G6PD: variants seen among roughly 807,000 people sequenced by gnomAD.
The protein encoded by G6PD is glucose-6-phosphate dehydrogenase.
Under a neutral mutation model 38.2 loss-of-function variants are expected in G6PD, and 2 were observed. That is an observed-to-expected ratio of 0.05 (90% confidence interval 0.02 to 0.16). The LOEUF is 0.16. G6PD is among the 10% of genes least tolerant of loss of function. The pLI, the probability that G6PD is intolerant of heterozygous loss-of-function variation, is 1.00. For synonymous variants in G6PD, 188 were observed against 196.0 expected (o/e 0.96, Z 0.34); for missense variants, 310 against 471.6 (o/e 0.66, Z 3.17).
intron 2 of G6PD, chrX:154,542,353 T>C (rs1557232137): frequency 1.7e-6 from 2 of 1,204,841 alleles, no homozygotes; most frequent in Non-Finnish European, 2.2e-6. Flanking sequence ...CCTCACTCCC[T>C]GTGAAGCTCT....
rs1557232141 is a variant in G6PD, at chrX:154,542,356, G to A, written c.120+3680C>T. 3 of 1,204,465 alleles carry A rather than the reference G, an allele frequency of 2.5e-6. No homozygotes were observed. In the African/African-American group the frequency reaches 5.2e-5, roughly 21 times the overall value. ...CCAGTCTCTTCCCCTCACTCCCTGT[G>A]AAGCTCTCCAGCATCATCGAGGTCC... On this transcript the variant is annotated intron_variant, in intron 2 of 12. Transcript: ENST00000393562.
chrX:154,533,301 C>T (rs1160314992), intron 8 of G6PD, 173 bp from the exon 9 acceptor site: 2 of 540,938 alleles, frequency 3.7e-6, no homozygotes, highest in African/African-American at 4.6e-5. Context: ...CCAGGACCAC[C>T]CTGGTCCATC....
Position 154,531,841 on chromosome X carries a change from G to T in G6PD, c.*159C>A. 1.1e-6 allele frequency: 1 copy of T among 903,476 alleles called. No homozygotes were observed. The highest frequency in any genetic ancestry group is 1.5e-6 in the Non-Finnish European group (1 of 651,981). The allele number at this position is 903,476 out of a possible 1,213,427, so 74.5% of individuals were successfully genotyped here. On this transcript the variant is annotated 3_prime_UTR_variant, in exon 13 of 13. Transcript: ENST00000393562. ...GCTTGGCAGCTGAGGAATGTAGCTG[G>T]GCTCGGGTAGTAGCAGCAGCGAGGG... is the stretch of plus-strand genomic sequence containing the variant.
At position 154,536,017 on chromosome X, in the gene G6PD, C is replaced by T. The variant is rs782674059; in HGVS notation, c.187G>A (p.Glu63Lys). The stretch of plus-strand genomic sequence containing the variant: ...GCATAGCCCACGATGAAGGTGTTTT[C>T]GGGCAGAAGGCCATCCCGGAACAGC... ...WWLFRDGLLP[E>K]NTFIVGYARS... The change falls in exon 4 of 13, where the codon GAA becomes AAA. Residue 63 changes from glutamate to lysine, a missense_variant. Transcript: ENST00000393562. 13 of 1,210,305 alleles carry T rather than the reference C, an allele frequency of 1.1e-5. No individual in the cohort carries two copies. The highest frequency in any genetic ancestry group is 8.9e-5 in the East Asian group (3 of 33,761).
In G6PD at chrX:154,532,753, G is replaced by A. The variant is rs1256250108; in HGVS notation, c.1101C>T (p.Ala367=). 5.0e-6 allele frequency: 6 copies of A among 1,209,678 alleles called. No individual in the cohort carries two copies. Among genetic ancestry groups the A allele is most frequent in the Admixed American group, 4.4e-5 (2 of 45,794 alleles). ...CATCATGGAACTGCAGCCTCACCTCGGCCTTGCGCTCGTTCAGGGCCTTGC... is the reference window on the plus strand; with the variant it reads ...CATCATGGAACTGCAGCCTCACCTCAGCCTTGCGCTCGTTCAGGGCCTTGC... ...RCGKALNERK[A]EVRLQFHDVA... is the part of the protein sequence containing the mutation. The change falls in exon 10 of 13, where the codon GCC becomes GCT. Residue 367 remains alanine, a synonymous_variant. Transcript: ENST00000393562.
At chrX:154,546,207 G>C in intron 1 of G6PD, 44 bp from the exon 2 acceptor site, 1 of 1,205,326 alleles carries the variant, frequency 8.3e-7, no homozygotes, top group Non-Finnish European at 1.1e-6. Context: ...GAACAGGAGA[G>C]CATTGAGAAG....
intron 2 of G6PD, among the ~76,000 whole-genome samples, chrX:154,539,700 A>G (rs1399514688): frequency 9.1e-6 from 1 of 110,249 alleles, no homozygotes; most frequent in African/African-American, 3.3e-5. Flanking sequence ...CTAGACCTGC[A>G]CCATCTGTGT....
At chrX:154,546,886 G>A (rs1557233617), upstream of G6PD, 6 of 1,016,462 alleles carry the variant, frequency 5.9e-6, no homozygotes, top group African/African-American at 8.0e-5. Flanking sequence ...CGGCGGGGGC[G>A]GGGGCGGGCG....
chrX:154,532,720 G>A lies in G6PD; in HGVS notation c.1134C>T (p.Gly378=), dbSNP rs200195961. 104 of 1,210,797 alleles carry A rather than the reference G, an allele frequency of 8.6e-5. No individual in the cohort carries two copies. The highest frequency in any genetic ancestry group is 5.9e-4 in the African/African-American group (34 of 57,567). The part of the protein sequence containing the change: ...EVRLQFHDVA[G]DIFHQQCKRN... Reference sequence around the variant, plus strand: ...GCTTGCACTGCTGGTGGAAGATGTCGCCGGCCACATCATGGAACTGCAGCC... The same window carrying A: ...GCTTGCACTGCTGGTGGAAGATGTCACCGGCCACATCATGGAACTGCAGCC... The change falls in exon 10 of 13, where the codon GGC becomes GGT. Residue 378 remains glycine (G), a synonymous_variant. Coordinates refer to ENST00000393562, the MANE Select transcript of G6PD (RefSeq NM_001360016.2).
Position 154,543,381 on chromosome X carries a change from T to C in G6PD, c.120+2655A>G, listed in dbSNP as rs186668760. ...TCAGCTTGGAAAAGCCTAAGGACCC[T>C]GGGCCCTCGTTTCAAAAGCTGTCAT... On this transcript the variant is annotated intron_variant, in intron 2 of 12. Coordinates refer to ENST00000393562, the MANE Select transcript of G6PD (RefSeq NM_001360016.2). 2.1e-3 allele frequency among the ~76,000 whole-genome samples: 237 copies of C among 112,465 alleles called. 4 individuals carry two copies. The East Asian group carries it at 0.058, about 27-fold the overall frequency.
intron 2 of G6PD, among the ~76,000 whole-genome samples, chrX:154,539,702 C>T (rs1481350659): frequency 3.6e-5 from 4 of 110,627 alleles, no homozygotes; most frequent in African/African-American, 1.3e-4. Flanking sequence ...AGACCTGCAC[C>T]ATCTGTGTTC....
intron 5 of G6PD, 46 bp downstream of exon 5, chrX:154,535,121 CT>C (rs1327434228): frequency 8.7e-7 from 1 of 1,150,576 alleles, no homozygotes; most frequent in Non-Finnish European, 1.2e-6. Flanking sequence ...GGAGCACTGC[CT>C]GGGCCAGCCT....
At chrX:154,542,456 A>G (rs1557232212) in intron 2 of G6PD, 1 of 1,175,739 alleles carries the variant, frequency 8.5e-7, no homozygotes. Flanking sequence ...GGGGGCAGTA[A>G]GTACCTCGGC....
intron 2 of G6PD, among the ~76,000 whole-genome samples, chrX:154,537,101 C>T (rs1025898852): frequency 2.7e-5 from 3 of 110,394 alleles, no homozygotes; most frequent in Non-Finnish European, 3.8e-5. Flanking sequence ...GTCAGGAGAT[C>T]GAGACCATCC....
At chrX:154,545,856 A>AAAG in intron 2 of G6PD, 180 bp downstream of exon 2, 1 of 460,825 alleles carries the variant, frequency 2.2e-6, no homozygotes, top group Non-Finnish European at 3.6e-6. Flanking sequence ...AAAAAAAAAA[A>AAAG]GTCTTGCAAG....
intron 2 of G6PD, among the ~76,000 whole-genome samples, chrX:154,536,774 G>A (rs2070413098): frequency 9.0e-6 from 1 of 111,694 alleles, no homozygotes; most frequent in South Asian, 3.7e-4. Context: ...AGGTTGCAGT[G>A]AGCCGAGATC....
At chrX:154,540,573 G>A (rs1444709175) in intron 2 of G6PD, among the ~76,000 whole-genome samples, 2 of 106,984 alleles carry the variant, frequency 1.9e-5, no homozygotes, top group Non-Finnish European at 3.9e-5. Context: ...AGGAGACGGA[G>A]GTTGCAGTGA....
chrX:154,547,467 C>G, upstream of G6PD: 1 of 755,180 alleles, frequency 1.3e-6, no homozygotes, highest in Non-Finnish European at 1.6e-6. Context: ...CTTATCATTA[C>G]CGAGCTTCCG....
chrX:154,533,122 C>A lies in G6PD; in HGVS notation c.871G>T (p.Val291Leu). The A allele has an allele frequency of 8.3e-7, 1 of 1,211,893 alleles. No homozygotes were observed. Among genetic ancestry groups the A allele is most frequent in the Non-Finnish European group, 1.1e-6 (1 of 895,438 alleles). Residue 291 changes from valine (V) to leucine (L), a missense_variant, in exon 9 of 13, where the codon GTG (valine) becomes TTG (leucine). Coordinates refer to ENST00000393562, the MANE Select transcript of G6PD (RefSeq NM_001360016.2). Reference sequence around the variant, plus strand: ...TGCACCTCTGAGATGCATTTCAACACCTTGACCTGAGAGAAAGCCAAGGGA... The same window carrying A: ...TGCACCTCTGAGATGCATTTCAACAACTTGACCTGAGAGAAAGCCAAGGGA... ...SDDVRDEKVKVLKCISEVQAN... is the reference protein window; with the variant it reads ...SDDVRDEKVKLLKCISEVQAN...
Sources: allele counts gnomAD v4.1 joint callset (sites outside exome capture counted in the v4.1 genomes callset), GRCh38; gene constraint gnomAD v4.1.1; transcripts MANE v1.5; gene names NCBI Gene and HGNC (gene_info 2026-07-23, HGNC 2026-07-21).